Variants in SNTG1 observed in about 807,000 individuals in gnomAD.
The protein encoded by SNTG1 is syntrophin gamma 1.
SNTG1 carries 39 observed loss-of-function variants against 74.7 expected under a neutral mutation model. The observed-to-expected ratio is 0.52, with a 90% CI of 0.40 to 0.68. The LOEUF is 0.68. Among genes scored for constraint, SNTG1 ranks in the 30% least tolerant of loss-of-function variants. The probability of loss-of-function intolerance (pLI) is 0.00; values close to 1 mark genes in which losing one functional copy is unlikely to be tolerated. For synonymous variants in SNTG1, 254 were observed against 217.1 expected (o/e 1.17, Z -1.49); for missense variants, 685 against 609.5 (o/e 1.12, Z -1.30).
chr8:50,279,135 C>T (rs770575867), intron 2 of SNTG1, among the ~76,000 whole-genome samples: 1 of 151,980 alleles, frequency 6.6e-6, no homozygotes, highest in South Asian at 2.1e-4. Context: ...TGCAGAAAAC[C>T]ATGGTCGACA....
intron 8 of SNTG1, among the ~76,000 whole-genome samples, chr8:50,487,061 T>TA (rs200499436): frequency 0.012 from 1,786 of 152,248 alleles, 11 homozygotes; most frequent in Non-Finnish European, 0.018. Context: ...GCCAGACATT[T>TA]ATGCAGCCAA....
intron 8 of SNTG1, chr8:50,490,904 A>G (rs2131879852): frequency 6.5e-6 from 1 of 153,108 alleles, no homozygotes; most frequent in South Asian, 2.1e-4. Context: ...GGCACTGCAG[A>G]TAGAGTGGTA....
At position 50,748,733 on chromosome 8, in the gene SNTG1, CTGCAATTAGTAATATTTCATGTTA is replaced by C. The variant is rs534231963; in HGVS notation, c.1285-3266_1285-3243del. ...TTTAAATTACATTTGTTATGGTGGCCTGCAATTAGTAATATTTCATGTTATTATTGTAATTATTTTGGAGCACCA... is the reference window on the plus strand; with the variant it reads ...TTTAAATTACATTTGTTATGGTGGCCTTATTGTAATTATTTTGGAGCACCA... On this transcript the variant is annotated intron_variant, in intron 17 of 18. Coordinates refer to ENST00000642720, the MANE Select transcript of SNTG1 (RefSeq NM_018967.5). Among the ~76,000 whole-genome samples the C allele has an allele frequency of 2.6e-3, 397 of 151,928 alleles. 3 individuals carry two copies. The highest frequency in any genetic ancestry group is 9.0e-3 in the African/African-American group (375 of 41,488).
At chr8:50,446,587 G>C (rs2093410220) in intron 5 of SNTG1, among the ~76,000 whole-genome samples, 2 of 152,060 alleles carry the variant, frequency 1.3e-5, no homozygotes, top group African/African-American at 4.8e-5. Flanking sequence ...GCTGAGACAG[G>C]AGAATCACCT....
At chr8:50,419,998 T>C (rs766190491) in intron 4 of SNTG1, among the ~76,000 whole-genome samples, 64 of 149,316 alleles carry the variant, frequency 4.3e-4, no homozygotes, top group Non-Finnish European at 7.9e-4. Context: ...AACAGGGAAA[T>C]TGGACTGAAA....
At chr8:50,073,810 A>G (rs1821586352) in intron 1 of SNTG1, among the ~76,000 whole-genome samples, 1 of 151,660 alleles carries the variant, frequency 6.6e-6, no homozygotes, top group Non-Finnish European at 1.5e-5. Flanking sequence ...AAATTTTTTG[A>G]AAGAGATTTT....
intron 1 of SNTG1, among the ~76,000 whole-genome samples, chr8:49,915,175 A>C (rs149711213): frequency 6.6e-6 from 1 of 152,284 alleles, no homozygotes; most frequent in African/African-American, 2.4e-5. Flanking sequence ...GGGATTCTTT[A>C]CTTTTCAATG....
chr8:50,298,779 T>TAGAGGA (rs2089507227), intron 2 of SNTG1, among the ~76,000 whole-genome samples: 2 of 152,160 alleles, frequency 1.3e-5, no homozygotes, highest in Admixed American at 1.3e-4. Flanking sequence ...AAACATTTCC[T>TAGAGGA]ATTTTTGTGC....
At chr8:50,704,856 G>A (rs1257180578) in intron 16 of SNTG1, 104 bp downstream of exon 16, 9 of 1,354,776 alleles carry the variant, frequency 6.6e-6, no homozygotes, top group African/African-American at 1.5e-5. Flanking sequence ...ACAGTTCTGG[G>A]AATCTTGACC....
At chr8:49,971,587 G>A (rs4634657) in intron 1 of SNTG1, among the ~76,000 whole-genome samples, 15,915 of 152,048 alleles carry the variant, frequency 0.1, 1,255 homozygotes, top group African/African-American at 0.2. Context: ...CCCTGTTTGC[G>A]GATGAAATGA....
intron 2 of SNTG1, among the ~76,000 whole-genome samples, chr8:50,179,931 A>T (rs1265083346): frequency 6.6e-6 from 1 of 152,248 alleles, no homozygotes; most frequent in Non-Finnish European, 1.5e-5. Context: ...ACTGCTGGTT[A>T]TATACCCAAA....
chr8:50,773,708 T>G (rs1461364066), intron 18 of SNTG1, among the ~76,000 whole-genome samples: 2 of 152,056 alleles, frequency 1.3e-5, no homozygotes, highest in African/African-American at 4.8e-5. Context: ...TTATGGGACA[T>G]TGAAAACATT....
intron 1 of SNTG1, among the ~76,000 whole-genome samples, chr8:49,972,224 C>A (rs1316988521): frequency 1.3e-5 from 2 of 152,108 alleles, no homozygotes; most frequent in Admixed American, 6.5e-5. Flanking sequence ...TATCTACAAC[C>A]ACCTGATCTT....
intron 2 of SNTG1, among the ~76,000 whole-genome samples, chr8:50,217,131 G>T (rs1450085338): frequency 3.3e-5 from 5 of 151,898 alleles, no homozygotes. Flanking sequence ...ATTCAACTTA[G>T]TGTAGACATA....
At chr8:50,669,789 T>G (rs2095270177) in intron 15 of SNTG1, among the ~76,000 whole-genome samples, 1 of 152,162 alleles carries the variant, frequency 6.6e-6, no homozygotes, top group South Asian at 2.1e-4. Flanking sequence ...GCAAAAATCC[T>G]CAATAAAATA....
At chr8:50,425,027 T>C (rs1039845175) in intron 4 of SNTG1, among the ~76,000 whole-genome samples, 2 of 152,188 alleles carry the variant, frequency 1.3e-5, no homozygotes, top group African/African-American at 4.8e-5. Flanking sequence ...AATAGTTTTT[T>C]TCCATAGTAG....
At chr8:50,564,518 G>T (rs2094505368) in intron 12 of SNTG1, among the ~76,000 whole-genome samples, 1 of 151,978 alleles carries the variant, frequency 6.6e-6, no homozygotes, top group Non-Finnish European at 1.5e-5. Flanking sequence ...CAATTCTTGT[G>T]CTGGCTGCAC....
intron 1 of SNTG1, among the ~76,000 whole-genome samples, chr8:49,982,664 A>T (rs536421432): frequency 1.3e-5 from 2 of 149,032 alleles, no homozygotes; most frequent in Admixed American, 1.3e-4. Flanking sequence ...GTGTGTAATT[A>T]TATTTACTTG....
At chr8:50,077,202 C>T (rs1563558816) in intron 1 of SNTG1, among the ~76,000 whole-genome samples, 1 of 152,118 alleles carries the variant, frequency 6.6e-6, no homozygotes, top group Non-Finnish European at 1.5e-5. Context: ...TTCAATTTGG[C>T]AGTTTTGTGT....
Sources: gnomAD v4.1 joint callset for allele counts (sites outside exome capture counted in the v4.1 genomes callset) on GRCh38, gnomAD v4.1.1 for gene constraint, MANE v1.5 for transcripts, NCBI Gene and HGNC (gene_info 2026-07-23, HGNC 2026-07-21) for gene names.